Variants in RAPGEF5 observed in about 807,000 individuals in gnomAD.
RAPGEF5 encodes the protein Rap guanine nucleotide exchange factor 5.
In RAPGEF5, 65 loss-of-function variants were observed where a neutral mutation model predicts 125.2. That is an observed-to-expected ratio of 0.52 (90% CI 0.43 to 0.64). RAPGEF5 has a LOEUF of 0.64. Ranked by LOEUF, RAPGEF5 falls within the 30% of genes least tolerant of loss-of-function variation. The pLI is 0.00. For synonymous variants in RAPGEF5, 391 were observed against 385.9 expected, an observed-to-expected ratio of 1.01 and a Z score of -0.16; for missense variants, 958 against 1,048.1, an observed-to-expected ratio of 0.91 and a Z score of 1.19.
At chr7:22,155,399 C>T (rs906130525) in intron 16 of RAPGEF5, among the ~76,000 whole-genome samples, 4 of 152,176 alleles carry the variant, frequency 2.6e-5, no homozygotes, top group Non-Finnish European at 4.4e-5. Flanking sequence ...CTTATATCAG[C>T]TACTATAAAT....
Position 22,183,136 on chromosome 7 carries a change from G to GCA in RAPGEF5, c.1204+10229_1204+10230dup, listed in dbSNP as rs1207455560. ...AAAAATACAAAAATTGGGCATGGTGGCACACACCTGTAGTCCCAGCTACTC... is the reference window on the plus strand; with the variant it reads ...AAAAATACAAAAATTGGGCATGGTGGCACACACACCTGTAGTCCCAGCTACTC... On this transcript the variant is annotated intron_variant, in intron 11 of 25. Coordinates refer to ENST00000665637, the MANE Select transcript of RAPGEF5 (RefSeq NM_012294.5). 4.6e-5 allele frequency among the ~76,000 whole-genome samples: 7 copies of GCA among 151,952 alleles called. No individual in the cohort carries two copies. The East Asian group carries it at 1.4e-3, about 29-fold the overall frequency.
chr7:22,288,226 A>G (rs1782843265), intron 6 of RAPGEF5, among the ~76,000 whole-genome samples: 1 of 130,836 alleles, frequency 7.6e-6, no homozygotes, highest in Non-Finnish European at 1.6e-5. Context: ...CCCTCCGCCT[A>G]TGGCTGTTCC....
Position 22,347,489 on chromosome 7 carries a change from G to A in RAPGEF5, c.231+9341C>T, listed in dbSNP as rs188607463. Among the ~76,000 whole-genome samples, 17 of 152,168 alleles carry A rather than the reference G, an allele frequency of 1.1e-4. No individual in the cohort carries two copies. The East Asian group carries it at 3.3e-3, about 29-fold the overall frequency. On this transcript the variant is annotated intron_variant, in intron 1 of 25. Coordinates refer to ENST00000665637, the MANE Select transcript of RAPGEF5 (RefSeq NM_012294.5). The stretch of plus-strand genomic sequence containing the variant: ...CAATTTAATAATAGCTTTATAGGGA[G>A]CAAAACAGTAAGTACTTCTTCAAAT...
intron 1 of RAPGEF5, among the ~76,000 whole-genome samples, chr7:22,355,054 A>G (rs954702324): frequency 1.2e-4 from 19 of 152,262 alleles, no homozygotes; most frequent in African/African-American, 4.1e-4. Context: ...ATAAATAGTC[A>G]AAAAGTATGG....
chr7:22,209,947 A>G (rs1428145645), intron 9 of RAPGEF5, among the ~76,000 whole-genome samples: 4 of 152,204 alleles, frequency 2.6e-5, no homozygotes, highest in Non-Finnish European at 4.4e-5. Flanking sequence ...TTATCAATGG[A>G]AATGTTTTAA....
chr7:22,205,751 G>C (rs950431888), intron 9 of RAPGEF5, among the ~76,000 whole-genome samples: 3 of 152,308 alleles, frequency 2.0e-5, no homozygotes, highest in African/African-American at 7.2e-5. Flanking sequence ...TCCAGATTTT[G>C]ATCCTCCTCA....
At chr7:22,321,007 T>C (rs1278427145) in intron 1 of RAPGEF5, among the ~76,000 whole-genome samples, 2 of 152,210 alleles carry the variant, frequency 1.3e-5, no homozygotes, top group African/African-American at 2.4e-5. Flanking sequence ...CTTTATCCTA[T>C]GTATTTTAGA....
At chr7:22,167,386 C>T (rs1469255589) in intron 11 of RAPGEF5, among the ~76,000 whole-genome samples, 1 of 152,160 alleles carries the variant, frequency 6.6e-6, no homozygotes, top group African/African-American at 2.4e-5. Flanking sequence ...GCTCTCTAAA[C>T]ATACAATTTT....
rs757105215 is a variant in RAPGEF5 at position 22,204,060 on chromosome 7, G to A, written c.997-10027C>T. The stretch of plus-strand genomic sequence containing the variant: ...TTCTGGTTGCAGATATATTTGTCCC[G>A]TGGGGTTTGAATAATCCATGGCAGC... On this transcript the variant is annotated intron_variant, in intron 9 of 25. Transcript: ENST00000665637. Among the ~76,000 whole-genome samples, 9 of 152,140 alleles carry A rather than the reference G, an allele frequency of 5.9e-5. No individual in the cohort carries two copies. The East Asian group carries it at 9.6e-4, about 16-fold the overall frequency.
At chr7:22,192,590 G>C (rs1311318256) in intron 11 of RAPGEF5, 2 of 152,220 alleles carry the variant, frequency 1.3e-5, no homozygotes, top group Non-Finnish European at 2.9e-5. Context: ...ACAGTCAGAG[G>C]CCTATTCATT....
At chr7:22,245,888 C>A (rs982996138) in intron 7 of RAPGEF5, among the ~76,000 whole-genome samples, 2 of 152,090 alleles carry the variant, frequency 1.3e-5, no homozygotes, top group African/African-American at 2.4e-5. Context: ...GAGTTTCAGG[C>A]TACAAAATTG....
At position 22,285,416 on chromosome 7, in the gene RAPGEF5, C is replaced by A. The variant is rs142477253; in HGVS notation, c.747+5759G>T. Among the ~76,000 whole-genome samples the A allele has an allele frequency of 5.9e-5, 9 of 152,256 alleles. No individual in the cohort carries two copies. The East Asian group carries it at 1.7e-3, about 29-fold the overall frequency. The stretch of plus-strand genomic sequence containing the variant: ...ACAATCTCTTAAACAAGTCTCTAAA[C>A]CTCTCTTTTTAAAGATTCATCAAAA... On this transcript the variant is annotated intron_variant, in intron 6 of 25. Transcript: ENST00000665637.
intron 8 of RAPGEF5, among the ~76,000 whole-genome samples, chr7:22,228,515 T>A (rs1012059808): frequency 6.6e-6 from 1 of 152,048 alleles, no homozygotes; most frequent in Admixed American, 6.5e-5. Context: ...TTTTGCTTTG[T>A]TTTCTTTTTT....
At chr7:22,139,806 G>A (rs1039657063) in intron 21 of RAPGEF5, 36 of 457,026 alleles carry the variant, frequency 7.9e-5, no homozygotes, top group African/African-American at 5.7e-4. Context: ...AGGCAGGACA[G>A]AGGGGAAGAC....
intron 5 of RAPGEF5, among the ~76,000 whole-genome samples, chr7:22,297,751 C>A (rs894966966): frequency 2.6e-5 from 4 of 152,150 alleles, no homozygotes; most frequent in Admixed American, 6.5e-5. Flanking sequence ...CAAATATATG[C>A]CTTTTATCTC....
chr7:22,334,323 C>T (rs559668074), intron 1 of RAPGEF5, among the ~76,000 whole-genome samples: 23 of 152,284 alleles, frequency 1.5e-4, no homozygotes, highest in African/African-American at 5.1e-4. Context: ...AACACACACA[C>T]ACAAAGTGGC....
chr7:22,282,256 T>C (rs1018815484), intron 6 of RAPGEF5, among the ~76,000 whole-genome samples: 12 of 152,190 alleles, frequency 7.9e-5, no homozygotes, highest in Admixed American at 2.6e-4. Context: ...TGGACCAAGC[T>C]GTATTTTTTT....
chr7:22,332,725 G>C (rs1464243659), intron 1 of RAPGEF5, among the ~76,000 whole-genome samples: 1 of 152,184 alleles, frequency 6.6e-6, no homozygotes, highest in African/African-American at 2.4e-5. Flanking sequence ...CCTCACCTAA[G>C]TCCTATGTAT....
chr7:22,125,692 G>A (rs776057970), intron 24 of RAPGEF5, 34 bp from the exon 25 acceptor site: 64 of 1,557,312 alleles, frequency 4.1e-5, no homozygotes, highest in Non-Finnish European at 5.5e-5. Context: ...ATCAATGGAA[G>A]GGTCGTTGAG....
Sources: gnomAD v4.1 joint callset for allele counts (sites outside exome capture counted in the v4.1 genomes callset) on GRCh38, gnomAD v4.1.1 for gene constraint, MANE v1.5 for transcripts, NCBI Gene and HGNC (gene_info 2026-07-23, HGNC 2026-07-21) for gene names.